ELFN1: variants seen among roughly 807,000 people sequenced by gnomAD.
The protein encoded by ELFN1 is protein ELFN1.
A neutral mutation model predicts 7.6 loss-of-function variants in ELFN1; 6 were observed. The ratio of observed to expected loss-of-function variants is 0.79; its 90% CI spans 0.43 to 1.56. The LOEUF (loss-of-function observed/expected upper bound fraction) is 1.56, where lower values mean the gene tolerates loss of function less well. ELFN1 is among the 40% of genes most tolerant of loss of function. The pLI, the probability that ELFN1 is intolerant of heterozygous loss-of-function variation, is 0.01. For missense variants in ELFN1, 1,169 were observed against 1,232.2 expected, an observed-to-expected ratio of 0.95 and a Z score of 0.77; for synonymous variants, 657 against 588.1, an observed-to-expected ratio of 1.12 and a Z score of -1.70.
intron 2 of ELFN1, among the ~76,000 whole-genome samples, chr7:1,701,280 G>A (rs1001432145): frequency 6.6e-6 from 1 of 152,070 alleles, no homozygotes; most frequent in African/African-American, 2.4e-5. Flanking sequence ...TGACCTCCCT[G>A]GCTCAAATGA....
At chr7:1,731,440 GAA>G (rs1780323300) in intron 3 of ELFN1, among the ~76,000 whole-genome samples, 2 of 152,218 alleles carry the variant, frequency 1.3e-5, no homozygotes, top group African/African-American at 4.8e-5. Flanking sequence ...ATTGGTAAAA[GAA>G]GAGAGGGGAG....
chr7:1,676,670 GAC>G (rs776522055), intron 1 of ELFN1, among the ~76,000 whole-genome samples: 12 of 152,366 alleles, frequency 7.9e-5, no homozygotes, highest in Non-Finnish European at 1.2e-4. Flanking sequence ...TGTGCAAAGA[GAC>G]AGGGAAGGAG....
intron 3 of ELFN1, among the ~76,000 whole-genome samples, chr7:1,733,531 T>C (rs1780368127): frequency 6.6e-6 from 1 of 152,044 alleles, no homozygotes; most frequent in Admixed American, 6.5e-5. Context: ...TAGCACCCCT[T>C]CCGACTGTGG....
intron 1 of ELFN1, among the ~76,000 whole-genome samples, chr7:1,682,820 C>G (rs1294897818): frequency 1.3e-5 from 2 of 152,168 alleles, no homozygotes; most frequent in African/African-American, 4.8e-5. Flanking sequence ...CAGTCTTTCA[C>G]CATATGATGG....
At chr7:1,668,340 C>A (rs1297639510), upstream of ELFN1, among the ~76,000 whole-genome samples, 1 of 152,230 alleles carries the variant, frequency 6.6e-6, no homozygotes, top group South Asian at 2.1e-4. Context: ...CCCAGCACAG[C>A]GCAGGGCACA....
chr7:1,672,383 C>A (rs1473845772), intron 1 of ELFN1, among the ~76,000 whole-genome samples: 1 of 152,160 alleles, frequency 6.6e-6, no homozygotes, highest in Admixed American at 6.5e-5. Context: ...TACCACGGTC[C>A]CCACCAAGAA....
At chr7:1,724,698 A>G (rs981914931) in intron 3 of ELFN1, among the ~76,000 whole-genome samples, 2 of 151,608 alleles carry the variant, frequency 1.3e-5, no homozygotes, top group African/African-American at 2.4e-5. Context: ...CCGGGGCCCC[A>G]TGAACGCGAC....
At chr7:1,683,764 C>T (rs1337494707) in intron 1 of ELFN1, among the ~76,000 whole-genome samples, 1 of 152,162 alleles carries the variant, frequency 6.6e-6, no homozygotes, top group African/African-American at 2.4e-5. Context: ...TTACATATTC[C>T]TGAGATACTG....
intron 3 of ELFN1, among the ~76,000 whole-genome samples, chr7:1,717,291 C>T (rs567033454): frequency 6.6e-6 from 1 of 152,330 alleles, no homozygotes; most frequent in African/African-American, 2.4e-5. Flanking sequence ...CCATGGGGCT[C>T]TCTGCCTGCC....
Position 1,675,077 on chromosome 7 carries a change from GACGGGGACCCGGCAGCCC to G in ELFN1, c.-549+4728_-549+4745del, listed in dbSNP as rs1317494792. Reference sequence around the variant, plus strand: ...GCTGGGAGAGTGCCCTGGCCTTACCGACGGGGACCCGGCAGCCCACGGCGTGGAGGTGAACCAGCTTGT... The same window carrying G: ...GCTGGGAGAGTGCCCTGGCCTTACCGACGGCGTGGAGGTGAACCAGCTTGT... On this transcript the variant is annotated intron_variant, in intron 1 of 3. Coordinates refer to ENST00000424383, the MANE Select transcript of ELFN1 (RefSeq NM_001128636.4). 3.3e-5 allele frequency among the ~76,000 whole-genome samples: 5 copies of G among 152,306 alleles called. No individual in the cohort carries two copies. In the South Asian group the frequency reaches 1.0e-3, roughly 32 times the overall value.
intron 2 of ELFN1, among the ~76,000 whole-genome samples, chr7:1,700,085 A>C (rs561214992): frequency 6.6e-6 from 1 of 152,096 alleles, no homozygotes; most frequent in Non-Finnish European, 1.5e-5. Context: ...TTGGCTGTAC[A>C]TGGTTTTCTC....
In ELFN1 at chr7:1,747,193, G is replaced by A; in HGVS notation, c.*110G>A. On this transcript the variant is annotated 3_prime_UTR_variant, in exon 4 of 4. Transcript: ENST00000424383. ...GCCACCACAGCAACTGTGACAGCGG[G>A]GGGCCCTGCAGAGGCGAGGGGGGAG... is the stretch of plus-strand genomic sequence containing the variant. 1 of 1,281,986 alleles carries A rather than the reference G, an allele frequency of 7.8e-7. No individual in the cohort carries two copies. The highest frequency in any genetic ancestry group is 1.8e-5 in the South Asian group (1 of 56,952). 79.4% of individuals were successfully genotyped at this position (1,281,986 alleles called of 1,614,324 possible).
intron 3 of ELFN1, among the ~76,000 whole-genome samples, chr7:1,726,798 C>A (rs1780209499): frequency 6.6e-6 from 1 of 152,208 alleles, no homozygotes; most frequent in Non-Finnish European, 1.5e-5. Context: ...GTAGGGCCCA[C>A]AGGCGGGCTG....
rs1562369921 is a variant in ELFN1, at chr7:1,711,612, GAGAGAGA to G, written c.-294+2361_-294+2367del. On this transcript the variant is annotated intron_variant, in intron 3 of 3. Transcript: ENST00000424383. Reference sequence around the variant, plus strand: ...AGAGAGAGAGAGAGAGAGAGAGAGAGAGAGAGAGAGAGAGAATGAGACAAGGGAGAAA... The same window carrying G: ...AGAGAGAGAGAGAGAGAGAGAGAGAGGAGAGAGAATGAGACAAGGGAGAAA... Among the ~76,000 whole-genome samples the G allele has an allele frequency of 4.0e-3, 598 of 150,294 alleles. 9 individuals are homozygous for G. Among genetic ancestry groups the G allele is most frequent in the African/African-American group, 0.014 (569 of 40,084 alleles).
chr7:1,745,367 T>C lies in ELFN1; in HGVS notation c.771T>C (p.Ala257=), dbSNP rs1397257159. 2 of 1,539,214 alleles carry C rather than the reference T, an allele frequency of 1.3e-6. No homozygotes were observed. Among genetic ancestry groups the C allele is most frequent in the Admixed American group, 3.9e-5 (2 of 50,918 alleles). The change falls in exon 4 of 4, where the codon GCT becomes GCC. Residue 257 remains alanine (A), a synonymous_variant. Coordinates refer to ENST00000424383, the MANE Select transcript of ELFN1 (RefSeq NM_001128636.4). ...TCTGCACCGAGGACTCGTACGCGGCTGAGGTGGTCGGGCCCCCACGTCCAG... is the reference window on the plus strand; with the variant it reads ...TCTGCACCGAGGACTCGTACGCGGCCGAGGTGGTCGGGCCCCCACGTCCAG... ...QSVCTEDSYA[A]EVVGPPRPAS...
chr7:1,704,789 C>T (rs2128585695), intron 2 of ELFN1, among the ~76,000 whole-genome samples: 1 of 152,244 alleles, frequency 6.6e-6, no homozygotes, highest in African/African-American at 2.4e-5. Context: ...GGCAACGTCA[C>T]CTGTCTGCTG....
At chr7:1,713,662 G>A (rs1272806161) in intron 3 of ELFN1, among the ~76,000 whole-genome samples, 4 of 152,286 alleles carry the variant, frequency 2.6e-5, no homozygotes, top group East Asian at 1.9e-4. Flanking sequence ...CCTGTTGAAG[G>A]CAGCAGGGCC....
Position 1,670,965 on chromosome 7 carries a change from A to C in ELFN1, c.-549+611A>C, listed in dbSNP as rs552631561. On this transcript the variant is annotated intron_variant, in intron 1 of 3. Coordinates refer to ENST00000424383, the MANE Select transcript of ELFN1 (RefSeq NM_001128636.4). This position sits in a 1 kb window ranked among gnomAD's most constrained non-coding sequence, Gnocchi z 6.4. Reference sequence around the variant, plus strand: ...GGTGGGGGGCTTCGCTCCGAACTGAACTTACTGGGTGCTTTCCACCCCTCG... The same window carrying C: ...GGTGGGGGGCTTCGCTCCGAACTGACCTTACTGGGTGCTTTCCACCCCTCG... Among the ~76,000 whole-genome samples, 1 of 148,556 alleles carries C rather than the reference A, an allele frequency of 6.7e-6. No homozygotes were observed. The highest frequency in any genetic ancestry group is 2.2e-4 in the South Asian group (1 of 4,642).
chr7:1,744,411 G>A lies in ELFN1; in HGVS notation c.-186G>A, dbSNP rs958113430. 2.2e-5 allele frequency: 14 copies of A among 622,428 alleles called. No individual in the cohort carries two copies. Among genetic ancestry groups the A allele is most frequent in the East Asian group, 1.9e-4 (6 of 31,216 alleles). 38.6% of individuals were successfully genotyped at this position (622,428 alleles called of 1,614,324 possible). A position where few individuals can be genotyped will look rare whatever the true frequency, so the allele number is the denominator to read the frequency against. On this transcript the variant is annotated 5_prime_UTR_variant, in exon 4 of 4. Transcript: ENST00000424383. Reference sequence around the variant, plus strand: ...CTGGGGCGGAAGACGAGAGGCGGCCGGCCGTGAGGGAGGCGCCCTCCCTCC... The same window carrying A: ...CTGGGGCGGAAGACGAGAGGCGGCCAGCCGTGAGGGAGGCGCCCTCCCTCC...
Sources: gnomAD v4.1 joint callset for allele counts (sites outside exome capture counted in the v4.1 genomes callset) on GRCh38, gnomAD v4.1.1 for gene constraint, Gnocchi (gnomAD v3.1) non-coding constraint, MANE v1.5 for transcripts, NCBI Gene and HGNC (gene_info 2026-07-23, HGNC 2026-07-21) for gene names.